The following ERO1B variants were observed in gnomAD, a reference collection of about 807,000 sequenced individuals.
ERO1B encodes the protein endoplasmic reticulum oxidoreductase 1 beta.
ERO1B carries 49 observed loss-of-function variants against 75.3 expected under a neutral mutation model. That is an observed-to-expected ratio of 0.65 (90% confidence interval 0.52 to 0.83). ERO1B has a LOEUF of 0.83. Ranked by LOEUF, ERO1B falls within the 40% of genes least tolerant of loss-of-function variation. ERO1B has a pLI of 0.00. For missense variants in ERO1B, 512 were observed against 560.1 expected, an observed-to-expected ratio of 0.91 and a Z score of 0.87; for synonymous variants, 191 against 192.9, an observed-to-expected ratio of 0.99 and a Z score of 0.08.
rs559052116 is a variant in ERO1B, at chr1:236,273,932, T to C, written c.103-3938A>G. Reference sequence around the variant, plus strand: ...TGATTTCCAAAACAGTTTTACCAATTTATCAGCCCCTCAACAATGAATGGG... The same window carrying C: ...TGATTTCCAAAACAGTTTTACCAATCTATCAGCCCCTCAACAATGAATGGG... On this transcript the variant is annotated intron_variant, in intron 1 of 15. Transcript: ENST00000354619. 2.6e-5 allele frequency among the ~76,000 whole-genome samples: 4 copies of C among 152,028 alleles called. No homozygotes were observed. In the South Asian group the frequency reaches 8.3e-4, roughly 32 times the overall value.
rs74723176 is a variant in ERO1B at position 236,240,856 on chromosome 1, G to A, written c.505+2566C>T. 3.6e-4 allele frequency among the ~76,000 whole-genome samples: 55 copies of A among 152,188 alleles called. 1 individual carries two copies. In the East Asian group the frequency reaches 9.3e-3, roughly 26 times the overall value. ...TTGTTAGTGCTTGGGCAGGGTGGGG[G>A]CCATCAAAGCAAAGGGACAGGGAGT... On this transcript the variant is annotated intron_variant, in intron 6 of 15. Coordinates refer to ENST00000354619, the MANE Select transcript of ERO1B (RefSeq NM_019891.4).
chr1:236,248,402 C>A (rs1664937116), intron 5 of ERO1B, among the ~76,000 whole-genome samples: 1 of 151,800 alleles, frequency 6.6e-6, no homozygotes, highest in Non-Finnish European at 1.5e-5. Context: ...ATTAAAAAGA[C>A]AATCCTAAGA....
intron 13 of ERO1B, among the ~76,000 whole-genome samples, chr1:236,222,494 AAATT>A (rs1468781753): frequency 6.8e-6 from 1 of 146,730 alleles, no homozygotes. Flanking sequence ...ACATTAATGG[AAATT>A]AATAAAATTC....
At chr1:236,258,029 C>T (rs922908713) in intron 2 of ERO1B, among the ~76,000 whole-genome samples, 1 of 150,908 alleles carries the variant, frequency 6.6e-6, no homozygotes, top group Non-Finnish European at 1.5e-5. Flanking sequence ...TGGCAGAACA[C>T]TTTCCAAGTC....
intron 2 of ERO1B, among the ~76,000 whole-genome samples, chr1:236,256,655 C>A (rs1354605451): frequency 1.3e-5 from 2 of 152,146 alleles, no homozygotes; most frequent in African/African-American, 2.4e-5. Context: ...GACCTGCTGG[C>A]CCAAAAAGTA....
At chr1:236,268,647 GA>G (rs1665512956) in intron 2 of ERO1B, among the ~76,000 whole-genome samples, 1 of 152,004 alleles carries the variant, frequency 6.6e-6, no homozygotes, top group African/African-American at 2.4e-5. Flanking sequence ...AGCACTTTGG[GA>G]GGCCAAGGCG....
intron 14 of ERO1B, 58 bp from the exon 15 acceptor site, chr1:236,221,023 G>T: frequency 1.5e-6 from 2 of 1,301,056 alleles, no homozygotes; most frequent in Non-Finnish European, 2.0e-6. Flanking sequence ...CTAGTAAAAA[G>T]GCTTAAAGGA....
rs955267103 is a variant in ERO1B at position 236,232,904 on chromosome 1, T to C, written c.674-65A>G. The C allele has an allele frequency of 7.4e-6, 10 of 1,357,844 alleles. No individual in the cohort carries two copies. In the Admixed American group the frequency reaches 1.8e-4, roughly 24 times the overall value. The allele number at this position is 1,357,844 out of a possible 1,614,324, so 84.1% of individuals were successfully genotyped here. Reference sequence around the variant, plus strand: ...TTACATAGCTCAGATCCCAATACTATTTTTTGAGATTAAAACTGTTAAACT... The same window carrying C: ...TTACATAGCTCAGATCCCAATACTACTTTTTGAGATTAAAACTGTTAAACT... On this transcript the variant is annotated intron_variant, in intron 8 of 15. Coordinates refer to ENST00000354619, the MANE Select transcript of ERO1B (RefSeq NM_019891.4).
At chr1:236,239,317 T>C (rs1460769531) in intron 6 of ERO1B, among the ~76,000 whole-genome samples, 3 of 152,214 alleles carry the variant, frequency 2.0e-5, no homozygotes, top group Non-Finnish European at 4.4e-5. Flanking sequence ...AACACAGCCA[T>C]GTTCATTTGT....
intron 4 of ERO1B, chr1:236,251,483 G>T: frequency 5.1e-6 from 5 of 980,734 alleles, no homozygotes; most frequent in Non-Finnish European, 6.1e-6. Context: ...GGGAGAGAGA[G>T]CAAGAAGAAA....
In ERO1B at chr1:236,225,085, C is replaced by T; in HGVS notation, c.1107G>A (p.Gly369=). The T allele has an allele frequency of 6.2e-7, 1 of 1,613,794 alleles. No homozygotes were observed. The highest frequency in any genetic ancestry group is 8.5e-7 in the Non-Finnish European group (1 of 1,179,784). The part of the protein sequence containing the change: ...EKSMFAGDKK[G]AKSLKEEFRL... ...AACTTTTTACCTTTAGTGACTTGGC[C>T]CCTTTTTTGTCACCTGCAAACATGG... Residue 369 remains glycine (G), a synonymous_variant, in exon 13 of 16, where the codon GGG becomes GGA. Coordinates refer to ENST00000354619, the MANE Select transcript of ERO1B (RefSeq NM_019891.4).
At chr1:236,219,100 T>A (rs184379102) in intron 15 of ERO1B, among the ~76,000 whole-genome samples, 2 of 152,292 alleles carry the variant, frequency 1.3e-5, no homozygotes, top group Admixed American at 1.3e-4. Context: ...ATGGGAAATA[T>A]AAAAAAGTAA....
chr1:236,233,587 G>A (rs1463301804), intron 8 of ERO1B, among the ~76,000 whole-genome samples: 5 of 149,312 alleles, frequency 3.3e-5, no homozygotes, highest in Non-Finnish European at 1.5e-5. Flanking sequence ...GACAGAGTGC[G>A]ACTCTGTCTC....
At chr1:236,266,578 T>C (rs558072796) in intron 2 of ERO1B, among the ~76,000 whole-genome samples, 1 of 151,684 alleles carries the variant, frequency 6.6e-6, no homozygotes, top group Non-Finnish European at 1.5e-5. Flanking sequence ...CACTCCAGCC[T>C]GGGCAACAGA....
chr1:236,268,802 T>C lies in ERO1B; in HGVS notation c.222+1073A>G, dbSNP rs181752289. ...TCGGGAGCCTGAGGCAGGAGAATGG[T>C]GTGAACCTGGGAAGTAGAGCTTGCA... On this transcript the variant is annotated intron_variant, in intron 2 of 15. Transcript: ENST00000354619. 1.2e-3 allele frequency among the ~76,000 whole-genome samples: 181 copies of C among 151,206 alleles called. 2 individuals are homozygous for C. The highest frequency in any genetic ancestry group is 3.8e-3 in the African/African-American group (157 of 41,226).
At chr1:236,230,796 T>G (rs924868328) in intron 9 of ERO1B, among the ~76,000 whole-genome samples, 1 of 151,946 alleles carries the variant, frequency 6.6e-6, no homozygotes, top group African/African-American at 2.4e-5. Flanking sequence ...TAAGAAAACA[T>G]TTCAGTCAAA....
intron 9 of ERO1B, 148 bp downstream of exon 9, chr1:236,232,679 CT>C (rs11388266): frequency 0.07 from 28,050 of 403,058 alleles, 1,865 homozygotes; most frequent in East Asian, 0.38. Context: ...ATAAAATAAT[CT>C]TTTTTTTTTT....
Position 236,218,502 on chromosome 1 carries a change from C to T in ERO1B, c.*14G>A, listed in dbSNP as rs759387817. 12 of 1,433,018 alleles carry T rather than the reference C, an allele frequency of 8.4e-6. No homozygotes were observed. Among genetic ancestry groups the T allele is most frequent in the Non-Finnish European group, 1.0e-5 (11 of 1,088,228 alleles). 88.8% of individuals were successfully genotyped at this position (1,433,018 alleles called of 1,614,324 possible). A position where few individuals can be genotyped will look rare whatever the true frequency, so the allele number is the denominator to read the frequency against. ...GTCACTTTATGTCTCTAGTTAGACA[C>T]ATAAAAGCCTTTATTACCTACTGTG... is the stretch of plus-strand genomic sequence containing the variant. On this transcript the variant is annotated 3_prime_UTR_variant, in exon 16 of 16. Coordinates refer to ENST00000354619, the MANE Select transcript of ERO1B (RefSeq NM_019891.4).
chr1:236,269,254 A>AAAAAT (rs529246108), intron 2 of ERO1B, among the ~76,000 whole-genome samples: 6 of 152,350 alleles, frequency 3.9e-5, no homozygotes, highest in South Asian at 2.1e-4. Context: ...AAGAATAATA[A>AAAAAT]AAAATAAAAT....
Sources: allele counts gnomAD v4.1 joint callset (sites outside exome capture counted in the v4.1 genomes callset), GRCh38; gene constraint gnomAD v4.1.1; transcripts MANE v1.5; gene names NCBI Gene and HGNC (gene_info 2026-07-23, HGNC 2026-07-21).